The following DTWD2 variants were observed in gnomAD, a reference collection of about 807,000 sequenced individuals.
DTWD2 encodes tRNA-uridine aminocarboxypropyltransferase 2.
In DTWD2, 39 loss-of-function variants were observed where a neutral mutation model predicts 31.8. That is an observed-to-expected ratio of 1.22 (90% CI 0.95 to 1.60). The LOEUF is 1.60. Ranked by LOEUF, DTWD2 falls within the 40% of genes most tolerant of loss-of-function variation. The pLI, the probability that DTWD2 is intolerant of heterozygous loss-of-function variation, is 0.00. For synonymous variants in DTWD2, 180 were observed against 142.8 expected, an observed-to-expected ratio of 1.26 and a Z score of -1.86; for missense variants, 515 against 381.5, an observed-to-expected ratio of 1.35 and a Z score of -2.92.
chr5:118,900,014 G>C (rs1023545333), intron 4 of DTWD2, among the ~76,000 whole-genome samples: 2 of 151,960 alleles, frequency 1.3e-5, no homozygotes, highest in Non-Finnish European at 2.9e-5. Flanking sequence ...TGTTGACCAA[G>C]TTACCTGGTC....
intron 4 of DTWD2, among the ~76,000 whole-genome samples, chr5:118,888,760 C>A (rs1048970570): frequency 2.0e-5 from 3 of 152,186 alleles, no homozygotes; most frequent in African/African-American, 7.2e-5. Context: ...CACAGCTTTG[C>A]CAACACATGG....
intron 1 of DTWD2, chr5:118,988,011 C>T: frequency 2.9e-6 from 2 of 685,750 alleles, no homozygotes; most frequent in Middle Eastern, 2.3e-4. Context: ...CCTTACTTCC[C>T]CTATTGGACG....
At chr5:118,984,649 G>C (rs967992390) in intron 1 of DTWD2, among the ~76,000 whole-genome samples, 1 of 152,136 alleles carries the variant, frequency 6.6e-6, no homozygotes, top group African/African-American at 2.4e-5. Flanking sequence ...AAACACTGGA[G>C]AGACAAAAAC....
At chr5:118,894,981 T>C (rs1753050552) in intron 4 of DTWD2, among the ~76,000 whole-genome samples, 2 of 152,108 alleles carry the variant, frequency 1.3e-5, no homozygotes, top group Admixed American at 6.5e-5. Flanking sequence ...ACCACCGTTA[T>C]GCAACATAGT....
chr5:118,964,648 G>A (rs951952004), intron 1 of DTWD2, among the ~76,000 whole-genome samples: 2 of 152,254 alleles, frequency 1.3e-5, no homozygotes, highest in African/African-American at 4.8e-5. Context: ...CGCTGTGTTG[G>A]CCGGGCTGGT....
chr5:118,987,505 T>C (rs1275039006), intron 1 of DTWD2, among the ~76,000 whole-genome samples: 1 of 152,232 alleles, frequency 6.6e-6, no homozygotes, highest in Non-Finnish European at 1.5e-5. Context: ...CTTTCAAATC[T>C]CAGAGATAGT....
intron 1 of DTWD2, chr5:118,973,795 C>A (rs999385878): frequency 1.9e-6 from 3 of 1,611,900 alleles, no homozygotes; most frequent in Non-Finnish European, 2.5e-6. Flanking sequence ...CGTGCCCCAC[C>A]ATGTCAGACG....
chr5:118,988,080 T>A (rs1336697295), intron 1 of DTWD2: 1 of 723,266 alleles, frequency 1.4e-6, no homozygotes, highest in Non-Finnish European at 2.5e-6. Context: ...CTCAGCATAT[T>A]GCAGGAAGTA....
intron 1 of DTWD2, among the ~76,000 whole-genome samples, chr5:118,971,920 C>A (rs2149598749): frequency 6.6e-6 from 1 of 152,294 alleles, no homozygotes; most frequent in South Asian, 2.1e-4. Context: ...TTCTTTAAAA[C>A]TAATGAGAAC....
chr5:118,906,450 G>A (rs1052402384), intron 4 of DTWD2, among the ~76,000 whole-genome samples: 10 of 152,070 alleles, frequency 6.6e-5, no homozygotes, highest in African/African-American at 2.4e-4. Context: ...CAACCCAAAT[G>A]GTCATTTGCA....
At chr5:118,949,173 T>C (rs1754404469) in intron 1 of DTWD2, among the ~76,000 whole-genome samples, 1 of 152,082 alleles carries the variant, frequency 6.6e-6, no homozygotes, top group Admixed American at 6.6e-5. Flanking sequence ...GTTGTCAAAA[T>C]ATTGAATAAA....
At chr5:118,925,397 C>G (rs2149577300) in intron 4 of DTWD2, among the ~76,000 whole-genome samples, 1 of 152,274 alleles carries the variant, frequency 6.6e-6, no homozygotes, top group South Asian at 2.1e-4. Context: ...CTACCAGGTA[C>G]CTATTCACAC....
intron 2 of DTWD2, among the ~76,000 whole-genome samples, chr5:118,941,457 G>A (rs1366386346): frequency 6.6e-6 from 1 of 152,126 alleles, no homozygotes; most frequent in African/African-American, 2.4e-5. Context: ...GATATAGTTT[G>A]CTAAGAATGA....
intron 4 of DTWD2, among the ~76,000 whole-genome samples, chr5:118,872,041 A>G (rs1312642600): frequency 6.6e-6 from 1 of 152,190 alleles, no homozygotes; most frequent in Non-Finnish European, 1.5e-5. Flanking sequence ...TGTTAAAGAG[A>G]TAGCTTCTCA....
intron 4 of DTWD2, among the ~76,000 whole-genome samples, chr5:118,856,414 G>A (rs1350921470): frequency 1.3e-5 from 2 of 151,982 alleles, no homozygotes; most frequent in African/African-American, 4.8e-5. Flanking sequence ...AAATATTTGG[G>A]ATCTTTAAAG....
chr5:118,978,799 A>C (rs1755224583), intron 1 of DTWD2, among the ~76,000 whole-genome samples: 1 of 151,868 alleles, frequency 6.6e-6, no homozygotes, highest in Non-Finnish European at 1.5e-5. Context: ...TGAGGTCAGG[A>C]GTTAGAGATC....
chr5:118,957,057 A>AT (rs1469952821), intron 1 of DTWD2, among the ~76,000 whole-genome samples: 1 of 152,060 alleles, frequency 6.6e-6, no homozygotes, highest in Non-Finnish European at 1.5e-5. Context: ...ATTATAATAC[A>AT]TTTTCATCTC....
chr5:118,984,205 C>T (rs571951107), intron 1 of DTWD2, among the ~76,000 whole-genome samples: 67 of 152,170 alleles, frequency 4.4e-4, no homozygotes, highest in African/African-American at 1.6e-3. Context: ...AGGAGGATCG[C>T]TTGAACCTGG....
chr5:118,847,623 G>GA (rs1441554224), intron 5 of DTWD2, among the ~76,000 whole-genome samples: 1 of 149,854 alleles, frequency 6.7e-6, no homozygotes, highest in Non-Finnish European at 1.5e-5. Context: ...TTTTTTTCAA[G>GA]AAAAATGTCT....
Sources: gnomAD v4.1 joint callset for allele counts (sites outside exome capture counted in the v4.1 genomes callset) on GRCh38, gnomAD v4.1.1 for gene constraint, MANE v1.5 for transcripts, NCBI Gene and HGNC (gene_info 2026-07-23, HGNC 2026-07-21) for gene names.